HS3ST4: variants seen among roughly 807,000 people sequenced by gnomAD.
The protein encoded by HS3ST4 is heparan sulfate-glucosamine 3-sulfotransferase 4, also known as heparan sulfate glucosamine 3-O-sulfotransferase 4.
HS3ST4 carries 17 observed loss-of-function variants against 29.2 expected under a neutral mutation model. The observed-to-expected ratio is 0.58, with a 90% CI of 0.40 to 0.87. The LOEUF (loss-of-function observed/expected upper bound fraction) is 0.87. HS3ST4 is among the 40% of genes least tolerant of loss of function. The pLI, the probability that HS3ST4 is intolerant of heterozygous loss-of-function variation, is 0.00. For synonymous variants in HS3ST4, 314 were observed against 285.7 expected (o/e 1.10, Z -1.00); for missense variants, 627 against 634.5 (o/e 0.99, Z 0.13).
At chr16:26,069,235 A>G (rs2141775975) in intron 1 of HS3ST4, among the ~76,000 whole-genome samples, 1 of 152,358 alleles carries the variant, frequency 6.6e-6, no homozygotes, top group South Asian at 2.1e-4. Context: ...TATAGGCATG[A>G]GCCACTGCAC....
At chr16:26,060,775 T>C (rs1000816175) in intron 1 of HS3ST4, among the ~76,000 whole-genome samples, 1 of 152,186 alleles carries the variant, frequency 6.6e-6, no homozygotes, top group East Asian at 1.9e-4. Context: ...GGTCTAGAAA[T>C]GCCCACAACA....
chr16:26,102,367 A>G (rs1899000188), intron 1 of HS3ST4, among the ~76,000 whole-genome samples: 1 of 152,122 alleles, frequency 6.6e-6, no homozygotes, highest in Admixed American at 6.6e-5. Flanking sequence ...TTAGTCCTCC[A>G]AGCACTCAAA....
At chr16:25,779,401 G>T (rs76271578) in intron 1 of HS3ST4, among the ~76,000 whole-genome samples, 1 of 152,198 alleles carries the variant, frequency 6.6e-6, no homozygotes, top group African/African-American at 2.4e-5. Context: ...TGGCTGAGTA[G>T]GATCCAAGGC....
intron 1 of HS3ST4, among the ~76,000 whole-genome samples, chr16:26,001,271 G>T (rs1969209635): frequency 6.6e-6 from 1 of 152,078 alleles, no homozygotes; most frequent in Non-Finnish European, 1.5e-5. Context: ...GTATTTCGGG[G>T]TAAAAGGTCA....
chr16:25,799,311 T>G (rs960283794), intron 1 of HS3ST4, among the ~76,000 whole-genome samples: 3 of 152,210 alleles, frequency 2.0e-5, no homozygotes, highest in Non-Finnish European at 2.9e-5. Flanking sequence ...GGTTGGATTT[T>G]GTAGAGCTTG....
intron 1 of HS3ST4, among the ~76,000 whole-genome samples, chr16:26,018,781 A>G (rs1000292972): frequency 5.9e-5 from 9 of 151,940 alleles, no homozygotes; most frequent in Non-Finnish European, 1.2e-4. Flanking sequence ...TCAAACATCA[A>G]CTTTAGTTTC....
At chr16:25,696,379 C>T (rs1412830032) in intron 1 of HS3ST4, among the ~76,000 whole-genome samples, 1 of 152,228 alleles carries the variant, frequency 6.6e-6, no homozygotes, top group Non-Finnish European at 1.5e-5. Context: ...ATCAAGGTGA[C>T]AGAGACAACA....
chr16:25,961,329 G>C (rs1297237137), intron 1 of HS3ST4, among the ~76,000 whole-genome samples: 1 of 152,210 alleles, frequency 6.6e-6, no homozygotes, highest in Non-Finnish European at 1.5e-5. Context: ...ACCATGATAT[G>C]AAAATGCTGA....
chr16:25,798,192 G>A (rs1054710405), intron 1 of HS3ST4, among the ~76,000 whole-genome samples: 3 of 152,172 alleles, frequency 2.0e-5, no homozygotes, highest in Admixed American at 6.6e-5. Context: ...GAGAATTGCC[G>A]CAGAGCTTCT....
At chr16:25,910,034 G>T (rs1968220165) in intron 1 of HS3ST4, among the ~76,000 whole-genome samples, 1 of 152,154 alleles carries the variant, frequency 6.6e-6, no homozygotes, top group South Asian at 2.1e-4. Flanking sequence ...CCAAAGATGT[G>T]CACTGGCCAA....
In HS3ST4 at chr16:25,692,244, G is replaced by C. The variant is rs1345863758; in HGVS notation, c.-174G>C. 6.1e-5 allele frequency: 9 copies of C among 148,004 alleles called. No homozygotes were observed. The South Asian group carries it at 1.1e-3, about 18-fold the overall frequency. 9.2% of individuals were successfully genotyped at this position (148,004 alleles called of 1,614,324 possible). ...CGGCCGGGCTCCCCCCTGGCGCAGC[G>C]GGACAGCGGCCAGGGCCGGGGGCGC... On this transcript the variant is annotated 5_prime_UTR_variant, in exon 1 of 2. Transcript: ENST00000331351.
chr16:25,987,391 A>G (rs1969075345), intron 1 of HS3ST4, among the ~76,000 whole-genome samples: 1 of 152,272 alleles, frequency 6.6e-6, no homozygotes, highest in African/African-American at 2.4e-5. Context: ...TTTACTATTT[A>G]TGGAGTTAGT....
intron 1 of HS3ST4, among the ~76,000 whole-genome samples, chr16:26,122,053 A>G (rs1323560251): frequency 6.6e-6 from 1 of 152,142 alleles, no homozygotes; most frequent in Non-Finnish European, 1.5e-5. Flanking sequence ...GACAGTGATG[A>G]AATCTGAGGT....
At chr16:25,792,535 G>T (rs1020866728) in intron 1 of HS3ST4, among the ~76,000 whole-genome samples, 1 of 151,820 alleles carries the variant, frequency 6.6e-6, no homozygotes, top group Non-Finnish European at 1.5e-5. Flanking sequence ...TTGCTAAATT[G>T]TGTTTTTCTA....
chr16:25,883,118 C>G (rs534690067), intron 1 of HS3ST4, among the ~76,000 whole-genome samples: 71 of 147,470 alleles, frequency 4.8e-4, no homozygotes, highest in African/African-American at 1.7e-3. Flanking sequence ...CTTGTTTCTT[C>G]TCTGCTGCTT....
At chr16:25,996,305 G>A (rs1969158924) in intron 1 of HS3ST4, among the ~76,000 whole-genome samples, 1 of 152,190 alleles carries the variant, frequency 6.6e-6, no homozygotes, top group African/African-American at 2.4e-5. Flanking sequence ...CTGAGGACAA[G>A]TTAGATTGCT....
At chr16:25,979,544 T>C (rs1968981699) in intron 1 of HS3ST4, among the ~76,000 whole-genome samples, 1 of 152,332 alleles carries the variant, frequency 6.6e-6, no homozygotes, top group African/African-American at 2.4e-5. Flanking sequence ...AGATGCCCCA[T>C]GATCTGTCAC....
chr16:25,837,924 A>C (rs914827007), intron 1 of HS3ST4, among the ~76,000 whole-genome samples: 8 of 151,654 alleles, frequency 5.3e-5, no homozygotes, highest in Non-Finnish European at 1.2e-4. Flanking sequence ...TTTTGAACCC[A>C]CCTCCCTCTC....
chr16:26,109,629 C>T (rs552858602), intron 1 of HS3ST4, among the ~76,000 whole-genome samples: 3 of 152,202 alleles, frequency 2.0e-5, no homozygotes, highest in African/African-American at 7.2e-5. Context: ...GATCGTTTCT[C>T]ATCCCTGTAT....
Sources: gnomAD v4.1 joint callset for allele counts (sites outside exome capture counted in the v4.1 genomes callset) on GRCh38, gnomAD v4.1.1 for gene constraint, MANE v1.5 for transcripts, NCBI Gene and HGNC (gene_info 2026-07-23, HGNC 2026-07-21) for gene names.